IQCH: variants seen among roughly 807,000 people sequenced by gnomAD.
IQCH encodes IQ motif containing H.
A neutral mutation model predicts 117.0 loss-of-function variants in IQCH; 98 were observed. The observed-to-expected ratio is 0.84, with a 90% CI of 0.71 to 0.99. The LOEUF is 0.99. IQCH is among the 50% of genes least tolerant of loss of function. The pLI is 0.00. For synonymous variants in IQCH, 412 were observed against 448.2 expected (o/e 0.92, Z 1.02); for missense variants, 1,102 against 1,243.8 (o/e 0.89, Z 1.72).
chr15:67,372,987 C>CTA (rs1970603394), intron 9 of IQCH, among the ~76,000 whole-genome samples: 1 of 151,876 alleles, frequency 6.6e-6, no homozygotes, highest in Non-Finnish European at 1.5e-5. Flanking sequence ...CTTTTTCTCC[C>CTA]TATATATACC....
In IQCH at chr15:67,466,565, C is replaced by T. The variant is rs372719595; in HGVS notation, c.2676+1268C>T. On this transcript the variant is annotated intron_variant, in intron 17 of 20. Transcript: ENST00000335894. This position sits in a 1 kb window ranked among gnomAD's most constrained non-coding sequence, Gnocchi z 4.4. The stretch of plus-strand genomic sequence containing the variant: ...GTCTGGATTTGAATAACCTTTGACT[C>T]TTCCCAGGATCTCTGCAGTCACCAT... The T allele has an allele frequency of 1.6e-4, 25 of 152,188 alleles. No individual in the cohort carries two copies. The highest frequency in any genetic ancestry group is 5.8e-4 in the African/African-American group (24 of 41,444). 9.4% of individuals were successfully genotyped at this position (152,188 alleles called of 1,614,324 possible).
intron 4 of IQCH, chr15:67,304,584 A>G: frequency 4.2e-6 from 2 of 478,772 alleles, no homozygotes; most frequent in Non-Finnish European, 7.3e-6. Flanking sequence ...TTTTTTGGAG[A>G]TGAAATGGCT....
rs548372000 is a variant in IQCH, at chr15:67,473,632, T to A, written c.2677-2064T>A. ...ATTTCATGTATTCATTCTCTTTTAT[T>A]TAATAAACACCAAGTGCCTGTTCTG... On this transcript the variant is annotated intron_variant, in intron 17 of 20. Coordinates refer to ENST00000335894, the MANE Select transcript of IQCH (RefSeq NM_001031715.3). This position sits in a 1 kb window ranked among gnomAD's most constrained non-coding sequence, Gnocchi z 4.9. Among the ~76,000 whole-genome samples the A allele has an allele frequency of 3.4e-4, 52 of 152,282 alleles. 2 individuals are homozygous for A. In the South Asian group the frequency reaches 0.01, roughly 30 times the overall value.
Position 67,491,278 on chromosome 15 carries a change from A to T in IQCH, c.2861+1214A>T, listed in dbSNP as rs2083647080. Among the ~76,000 whole-genome samples the T allele has an allele frequency of 6.6e-6, 1 of 152,148 alleles. No individual in the cohort carries two copies. ...GTGCACACTACAAGCAAATGGCTGC[A>T]TAGGACAGGCCTCAACTTCCCTATC... is the stretch of plus-strand genomic sequence containing the variant. On this transcript the variant is annotated intron_variant, in intron 19 of 20. Coordinates refer to ENST00000335894, the MANE Select transcript of IQCH (RefSeq NM_001031715.3). This position sits in a 1 kb window ranked among gnomAD's most constrained non-coding sequence, Gnocchi z 4.9.
At chr15:67,383,348 A>G (rs1971004176) in intron 10 of IQCH, among the ~76,000 whole-genome samples, 1 of 152,182 alleles carries the variant, frequency 6.6e-6, no homozygotes, top group African/African-American at 2.4e-5. Flanking sequence ...TTTGTTGGAA[A>G]ACTGACTTCA....
intron 4 of IQCH, among the ~76,000 whole-genome samples, chr15:67,302,466 C>T (rs1348571793): frequency 2.0e-5 from 3 of 152,142 alleles, no homozygotes; most frequent in African/African-American, 7.2e-5. Context: ...ACGTGTACCT[C>T]AAGGAGAAGG....
rs1283240594 is a variant in IQCH at position 67,366,237 on chromosome 15, C to T, written c.754-5874C>T. 6.6e-6 allele frequency among the ~76,000 whole-genome samples: 1 copy of T among 152,220 alleles called. No individual in the cohort carries two copies. The highest frequency in any genetic ancestry group is 1.5e-5 in the Non-Finnish European group (1 of 68,030). On this transcript the variant is annotated intron_variant, in intron 8 of 20. Transcript: ENST00000335894. The surrounding 1 kb of genome is among the most constrained non-coding windows in gnomAD (Gnocchi z 4.4). ...ACATCCCCAGCAGGTTCAACCCATCCATCATAATTGTCCCCAGTGGTCCTT... is the reference window on the plus strand; with the variant it reads ...ACATCCCCAGCAGGTTCAACCCATCTATCATAATTGTCCCCAGTGGTCCTT...
chr15:67,313,324 G>A (rs1967691590), intron 4 of IQCH, among the ~76,000 whole-genome samples: 1 of 152,028 alleles, frequency 6.6e-6, no homozygotes. Context: ...GTTAACATAG[G>A]TATACCACTT....
At chr15:67,419,034 G>A (rs535791325) in intron 15 of IQCH, among the ~76,000 whole-genome samples, 33 of 152,156 alleles carry the variant, frequency 2.2e-4, no homozygotes, top group Non-Finnish European at 4.9e-4. Flanking sequence ...AGATGAGAAA[G>A]GCTTTCCCAG....
intron 3 of IQCH, among the ~76,000 whole-genome samples, chr15:67,266,595 T>G (rs1401392155): frequency 2.0e-5 from 3 of 152,130 alleles, no homozygotes; most frequent in Non-Finnish European, 2.9e-5. Flanking sequence ...AGGCAGAGCT[T>G]GCAGTGAGCC....
rs929402146 is a variant in IQCH, at chr15:67,473,863, G to A, written c.2677-1833G>A. Among the ~76,000 whole-genome samples the A allele has an allele frequency of 6.6e-6, 1 of 151,728 alleles. No homozygotes were observed. Among genetic ancestry groups the A allele is most frequent in the Non-Finnish European group, 1.5e-5 (1 of 68,020 alleles). On this transcript the variant is annotated intron_variant, in intron 17 of 20. Transcript: ENST00000335894. The surrounding 1 kb of genome is among the most constrained non-coding windows in gnomAD (Gnocchi z 4.9). ...CTACAAATGGGACGCTACAAGTGGGGTAAACAACTCAAGATGTATTAGCCT... is the reference window on the plus strand; with the variant it reads ...CTACAAATGGGACGCTACAAGTGGGATAAACAACTCAAGATGTATTAGCCT...
chr15:67,421,248 A>G, intron 15 of IQCH, 43 bp from the exon 16 acceptor site: 1 of 1,552,668 alleles, frequency 6.4e-7, no homozygotes, highest in Non-Finnish European at 8.8e-7. Context: ...AAGTCAAACA[A>G]AATGCATGTG....
At chr15:67,460,860 C>T (rs1363102102) in intron 16 of IQCH, among the ~76,000 whole-genome samples, 1 of 152,102 alleles carries the variant, frequency 6.6e-6, no homozygotes, top group Non-Finnish European at 1.5e-5. Context: ...ATATTTTTCC[C>T]CCACCCTCAC....
chr15:67,448,859 TC>T (rs1172517391), intron 16 of IQCH, among the ~76,000 whole-genome samples: 3 of 152,196 alleles, frequency 2.0e-5, no homozygotes, highest in Non-Finnish European at 2.9e-5. Context: ...GTAAAAGTGT[TC>T]CTATTTCTCC....
Position 67,474,307 on chromosome 15 carries a change from A to G in IQCH, c.2677-1389A>G, listed in dbSNP as rs1350095004. Among the ~76,000 whole-genome samples the G allele has an allele frequency of 3.3e-5, 5 of 152,100 alleles. No homozygotes were observed. Among genetic ancestry groups the G allele is most frequent in the South Asian group, 2.1e-4 (1 of 4,826 alleles). On this transcript the variant is annotated intron_variant, in intron 17 of 20. Coordinates refer to ENST00000335894, the MANE Select transcript of IQCH (RefSeq NM_001031715.3). This position sits in a 1 kb window ranked among gnomAD's most constrained non-coding sequence, Gnocchi z 4.1. ...GCCTACTCCTTTTCCAGGTCACTGC[A>G]TAAGTCTGGGTACCTAGTTGCCCAG... is the stretch of plus-strand genomic sequence containing the variant.
rs1317423908 is a variant in IQCH, at chr15:67,411,139, C to G, written c.2098-5792C>G. 6.6e-6 allele frequency among the ~76,000 whole-genome samples: 1 copy of G among 152,102 alleles called. No homozygotes were observed. Among genetic ancestry groups the G allele is most frequent in the Non-Finnish European group, 1.5e-5 (1 of 68,004 alleles). ...ATGTATCCTGTGCACACGGAGGCAGCCCTTCTAAATTCACCCTCAAATTTG... is the reference window on the plus strand; with the variant it reads ...ATGTATCCTGTGCACACGGAGGCAGGCCTTCTAAATTCACCCTCAAATTTG... On this transcript the variant is annotated intron_variant, in intron 14 of 20. Transcript: ENST00000335894. The surrounding 1 kb of genome is among the most constrained non-coding windows in gnomAD (Gnocchi z 4.4).
In IQCH at chr15:67,416,831, T is replaced by TG. The variant is rs2081590047; in HGVS notation, c.2098-100_2098-99insG. ...TGACTCTGGGTAAACAGTAACCACA[T>TG]TTTTTTTGCCTGTTGGAGGCCTGGT... On this transcript the variant is annotated intron_variant, in intron 14 of 20. Transcript: ENST00000335894. The surrounding 1 kb of genome is among the most constrained non-coding windows in gnomAD (Gnocchi z 5.1). 1 of 877,590 alleles carries TG rather than the reference T, an allele frequency of 1.1e-6. No homozygotes were observed. The highest frequency in any genetic ancestry group is 1.8e-5 in the African/African-American group (1 of 57,002). The allele number at this position is 877,590 out of a possible 1,614,324, so 54.4% of individuals were successfully genotyped here.
At chr15:67,266,549 C>G (rs866677239) in intron 3 of IQCH, among the ~76,000 whole-genome samples, 1 of 152,222 alleles carries the variant, frequency 6.6e-6, no homozygotes, top group Middle Eastern at 3.4e-3. Flanking sequence ...CCCAGCTACT[C>G]AGGAGGCTGA....
chr15:67,301,307 A>G (rs1047590654), intron 4 of IQCH, among the ~76,000 whole-genome samples: 1 of 147,994 alleles, frequency 6.8e-6, no homozygotes, highest in Non-Finnish European at 1.5e-5. Flanking sequence ...GCTTATAAGT[A>G]TTTTCCCATA....
Sources: allele counts gnomAD v4.1 joint callset (sites outside exome capture counted in the v4.1 genomes callset), GRCh38; gene constraint gnomAD v4.1.1; non-coding constraint Gnocchi (gnomAD v3.1); transcripts MANE v1.5; gene names NCBI Gene and HGNC (gene_info 2026-07-23, HGNC 2026-07-21).